Variants in MAK observed in about 807,000 individuals in gnomAD.
The protein encoded by MAK is serine/threonine-protein kinase MAK.
MAK carries 65 observed loss-of-function variants against 82.6 expected under a neutral mutation model. That is an observed-to-expected ratio of 0.79 (90% CI 0.64 to 0.97). The LOEUF is 0.97. Ranked by LOEUF, MAK falls within the 50% of genes least tolerant of loss-of-function variation. The pLI is 0.00. For missense variants in MAK, 703 were observed against 780.2 expected, an observed-to-expected ratio of 0.90 and a Z score of 1.18; for synonymous variants, 250 against 274.2, an observed-to-expected ratio of 0.91 and a Z score of 0.87.
intron 1 of MAK, among the ~76,000 whole-genome samples, chr6:10,836,011 C>A (rs944838812): frequency 3.9e-5 from 6 of 152,194 alleles, no homozygotes; most frequent in African/African-American, 1.4e-4. Context: ...AGTCTCTTTG[C>A]GAGTGGCTAT....
intron 10 of MAK, among the ~76,000 whole-genome samples, chr6:10,785,358 A>G (rs1216523668): frequency 1.3e-5 from 2 of 152,132 alleles, no homozygotes; most frequent in African/African-American, 4.8e-5. Flanking sequence ...CTCCACGACC[A>G]ACCTTCTCCC....
rs528189261 is a variant in MAK at position 10,808,419 on chromosome 6, G to A, written c.491+391C>T. ...AGGATTCATGTCTTCTGGTGAACAC[G>A]TGTATGTCTTTCTGTTGGTGATCCA... On this transcript the variant is annotated intron_variant, in intron 6 of 14. Coordinates refer to ENST00000354489, the MANE Select transcript of MAK (RefSeq NM_001242957.3). 4.6e-5 allele frequency among the ~76,000 whole-genome samples: 7 copies of A among 152,284 alleles called. No homozygotes were observed. In the South Asian group the frequency reaches 1.2e-3, roughly 27 times the overall value.
Position 10,795,986 on chromosome 6 carries a change from C to G in MAK, c.1143+12G>C. ...AACTATTTCATTGCAAGTGTCATGA[C>G]TGGCTACTCACAGTTGGCATGTTTT... On this transcript the variant is annotated intron_variant, in intron 9 of 14. Coordinates refer to ENST00000354489, the MANE Select transcript of MAK (RefSeq NM_001242957.3). The G allele has an allele frequency of 6.2e-7, 1 of 1,612,778 alleles. No individual in the cohort carries two copies. The highest frequency in any genetic ancestry group is 1.1e-5 in the South Asian group (1 of 91,042).
rs1581623249 is a variant in MAK at position 10,763,816 on chromosome 6, A to T, written c.*636T>A. 6.7e-6 allele frequency: 1 copy of T among 150,048 alleles called. No individual in the cohort carries two copies. The highest frequency in any genetic ancestry group is 1.5e-5 in the Non-Finnish European group (1 of 67,918). The allele number at this position is 150,048 out of a possible 1,614,324, so 9.3% of individuals were successfully genotyped here. A position where few individuals can be genotyped will look rare whatever the true frequency, so the allele number is the denominator to read the frequency against. ...CAGTAAGCCAAGATAGTGCCACTGCACTCCAGCCTGGACACAAGAGTGAAA... is the reference window on the plus strand; with the variant it reads ...CAGTAAGCCAAGATAGTGCCACTGCTCTCCAGCCTGGACACAAGAGTGAAA... On this transcript the variant is annotated 3_prime_UTR_variant, in exon 15 of 15. Coordinates refer to ENST00000354489, the MANE Select transcript of MAK (RefSeq NM_001242957.3).
At chr6:10,819,030 T>C in intron 2 of MAK, 90 bp from the exon 3 acceptor site, 1 of 750,490 alleles carries the variant, frequency 1.3e-6, no homozygotes, top group East Asian at 2.7e-5. Flanking sequence ...CACTACTGGT[T>C]CACTTTGGGC....
chr6:10,778,081 T>C (rs969683306), intron 11 of MAK, among the ~76,000 whole-genome samples: 1 of 152,234 alleles, frequency 6.6e-6, no homozygotes, highest in African/African-American at 2.4e-5. Flanking sequence ...TAATTTGATA[T>C]TATAATGATA....
intron 9 of MAK, among the ~76,000 whole-genome samples, chr6:10,792,541 AG>A (rs1331321129): frequency 2.9e-4 from 44 of 152,348 alleles, no homozygotes; most frequent in African/African-American, 1.0e-3. Context: ...CACAGAATGG[AG>A]GCATCATTAA....
intron 2 of MAK, among the ~76,000 whole-genome samples, chr6:10,826,206 A>T (rs537943379): frequency 1.7e-4 from 26 of 152,040 alleles, no homozygotes; most frequent in Non-Finnish European, 7.4e-5. Flanking sequence ...CCAGGGCTTC[A>T]TACGTACTAT....
intron 10 of MAK, among the ~76,000 whole-genome samples, chr6:10,790,485 T>C (rs1230927596): frequency 2.0e-5 from 3 of 152,070 alleles, no homozygotes; most frequent in Non-Finnish European, 4.4e-5. Flanking sequence ...CAAAGTCGAA[T>C]AATGTACTAA....
In MAK at chr6:10,782,284, C is replaced by T. The variant is rs140591056; in HGVS notation, c.1465+2140G>A. Among the ~76,000 whole-genome samples the T allele has an allele frequency of 8.6e-4, 130 of 151,906 alleles. 1 individual carries two copies. Among genetic ancestry groups the T allele is most frequent in the African/African-American group, 3.0e-3 (126 of 41,392 alleles). On this transcript the variant is annotated intron_variant, in intron 11 of 14. Transcript: ENST00000354489. ...CCAAAACTATTTAACCTATTTAGAT[C>T]GCCAAATACCCAGGGTTATAAAGTT...
At chr6:10,815,912 G>GTGTGTATATATATATATA (rs1554184483) in intron 4 of MAK, among the ~76,000 whole-genome samples, 163 of 108,186 alleles carry the variant, frequency 1.5e-3, no homozygotes, top group East Asian at 2.5e-3. Context: ...GCTTTATACA[G>GTGTGTATATATATATATA]TATATATATA....
intron 11 of MAK, among the ~76,000 whole-genome samples, chr6:10,781,556 T>C (rs1185188665): frequency 1.3e-5 from 2 of 151,670 alleles, no homozygotes; most frequent in African/African-American, 4.8e-5. Flanking sequence ...CCTGAGTAGC[T>C]GGGATTACAG....
intron 14 of MAK, among the ~76,000 whole-genome samples, chr6:10,765,880 A>C (rs372104240): frequency 6.6e-6 from 1 of 152,188 alleles, no homozygotes; most frequent in Non-Finnish European, 1.5e-5. Flanking sequence ...TGTTTCATTC[A>C]TATATCTGAC....
At chr6:10,797,504 G>A (rs1267675186) in intron 8 of MAK, 4 of 749,100 alleles carry the variant, frequency 5.3e-6, no homozygotes, top group Non-Finnish European at 6.5e-6. Context: ...CCACAGCAAA[G>A]AGTTATCTGG....
At chr6:10,772,559 G>GC (rs1773107685) in intron 13 of MAK, among the ~76,000 whole-genome samples, 1 of 151,856 alleles carries the variant, frequency 6.6e-6, no homozygotes, top group Non-Finnish European at 1.5e-5. Flanking sequence ...TGGCCAGGAT[G>GC]GTCTCTATCT....
intron 9 of MAK, among the ~76,000 whole-genome samples, chr6:10,795,123 T>C (rs935434487): frequency 2.6e-5 from 4 of 152,176 alleles, no homozygotes; most frequent in South Asian, 4.1e-4. Context: ...GAGTACCCGA[T>C]TCTTTTAAAT....
rs1215606169 is a variant in MAK, at chr6:10,810,393, G to A, written c.359-1451C>T. ...TTGAGACGGAGTCTTGCTCTGGAGTGTAGTGGCGCAATCTGGGCTCATTGC... is the reference window on the plus strand; with the variant it reads ...TTGAGACGGAGTCTTGCTCTGGAGTATAGTGGCGCAATCTGGGCTCATTGC... On this transcript the variant is annotated intron_variant, in intron 5 of 14. Transcript: ENST00000354489. 2.1e-5 allele frequency among the ~76,000 whole-genome samples: 3 copies of A among 141,324 alleles called. No individual in the cohort carries two copies. The South Asian group carries it at 6.7e-4, about 32-fold the overall frequency. The allele number at this position is 141,324 out of a possible 152,430, so 92.7% of individuals were successfully genotyped here.
Position 10,815,912 on chromosome 6 carries a change from G to GTATATATATA in MAK, c.278+1928_278+1937dup, listed in dbSNP as rs3064109. ...TACTGTATTAGTGTAGCTTTATACA[G>GTATATATATA]TATATATATATATATATATATATAT... On this transcript the variant is annotated intron_variant, in intron 4 of 14. Coordinates refer to ENST00000354489, the MANE Select transcript of MAK (RefSeq NM_001242957.3). Among the ~76,000 whole-genome samples the GTATATATATA allele has an allele frequency of 4.6e-3, 492 of 108,120 alleles. 1 individual carries two copies. Among genetic ancestry groups the GTATATATATA allele is most frequent in the Non-Finnish European group, 5.6e-3 (320 of 56,968 alleles). 70.9% of individuals were successfully genotyped at this position (108,120 alleles called of 152,430 possible). A position where few individuals can be genotyped will look rare whatever the true frequency, so the allele number is the denominator to read the frequency against.
chr6:10,780,171 A>G, intron 11 of MAK: 1 of 787,344 alleles, frequency 1.3e-6, no homozygotes, highest in African/African-American at 1.9e-5. Context: ...TCAAGTTTAC[A>G]TTCCAAACAA....
Sources: allele counts gnomAD v4.1 joint callset (sites outside exome capture counted in the v4.1 genomes callset), GRCh38; gene constraint gnomAD v4.1.1; transcripts MANE v1.5; gene names NCBI Gene and HGNC (gene_info 2026-07-23, HGNC 2026-07-21).